TBPL2: variants seen among roughly 807,000 people sequenced by gnomAD.
The protein encoded by TBPL2 is TATA-box binding protein like 2.
Under a neutral mutation model 38.2 loss-of-function variants are expected in TBPL2, and 40 were observed. That is an observed-to-expected ratio of 1.05 (90% CI 0.81 to 1.36). The LOEUF (loss-of-function observed/expected upper bound fraction) is 1.36, where lower values mean the gene tolerates loss of function less well. TBPL2 is among the 40% of genes most tolerant of loss of function. The pLI, the probability that TBPL2 is intolerant of heterozygous loss-of-function variation, is 0.00. For missense variants in TBPL2, 461 were observed against 456.7 expected, an observed-to-expected ratio of 1.01 and a Z score of -0.09; for synonymous variants, 169 against 171.7, an observed-to-expected ratio of 0.98 and a Z score of 0.12.
intron 1 of TBPL2, among the ~76,000 whole-genome samples, chr14:55,437,658 G>T (rs1447621909): frequency 1.3e-5 from 2 of 152,186 alleles, no homozygotes; most frequent in African/African-American, 2.4e-5. Context: ...CTAAATTGTT[G>T]TATACTTTGA....
chr14:55,421,044 G>C (rs1356791299), intron 6 of TBPL2, among the ~76,000 whole-genome samples: 1 of 135,122 alleles, frequency 7.4e-6, no homozygotes. Context: ...CTGGGCAAAA[G>C]AGTGAGAATC....
chr14:55,440,264 A>G (rs1197648036), intron 1 of TBPL2, 132 bp downstream of exon 1: 4 of 1,152,650 alleles, frequency 3.5e-6, no homozygotes, highest in African/African-American at 1.6e-5. Context: ...CTAACCTTCA[A>G]CTTAATGACT....
chr14:55,435,859 T>C (rs1238536560), exon 3 of TBPL2: 1 of 1,567,230 alleles, frequency 6.4e-7, no homozygotes. Context: ...TTGGGTTATA[T>C]TCTGCATTTT....
chr14:55,429,033 GTGT>G, intron 4 of TBPL2, 59 bp from the exon 5 acceptor site: 2 of 1,579,114 alleles, frequency 1.3e-6, no homozygotes, highest in Non-Finnish European at 1.7e-6. Flanking sequence ...TCAACTACTG[GTGT>G]TGTATTGGAT....
intron 5 of TBPL2, among the ~76,000 whole-genome samples, chr14:55,427,315 CAA>C (rs1203285830): frequency 6.6e-6 from 1 of 151,782 alleles, no homozygotes; most frequent in Non-Finnish European, 1.5e-5. Context: ...AAAACATAAT[CAA>C]GAGAAAAATA....
chr14:55,414,616 A>G (rs374249733), intron 6 of TBPL2, among the ~76,000 whole-genome samples, 161 bp from the exon 7 acceptor site: 7 of 152,224 alleles, frequency 4.6e-5, no homozygotes, highest in African/African-American at 1.7e-4. Flanking sequence ...TTTGGCAACT[A>G]CAGCCATATT....
At chr14:55,425,222 C>A (rs1419350535) in intron 5 of TBPL2, among the ~76,000 whole-genome samples, 1 of 152,152 alleles carries the variant, frequency 6.6e-6, no homozygotes, top group Non-Finnish European at 1.5e-5. Flanking sequence ...TCTTCTGGAA[C>A]ATCACTCTGT....
chr14:55,420,514 A>C (rs1270007140), intron 6 of TBPL2, among the ~76,000 whole-genome samples: 8 of 152,218 alleles, frequency 5.3e-5, no homozygotes, highest in Admixed American at 5.2e-4. Context: ...CCAAGAGATG[A>C]TAATTATTTA....
chr14:55,423,198 T>A (rs77350057), intron 6 of TBPL2, among the ~76,000 whole-genome samples: 8,893 of 152,324 alleles, frequency 0.058, 337 homozygotes, highest in Non-Finnish European at 0.085. Flanking sequence ...AGTAGTGAGA[T>A]AATTTTTACA....
At chr14:55,419,419 CTGTT>C (rs1885711726) in intron 6 of TBPL2, among the ~76,000 whole-genome samples, 1 of 152,174 alleles carries the variant, frequency 6.6e-6, no homozygotes, top group Non-Finnish European at 1.5e-5. Flanking sequence ...GACATATTTG[CTGTT>C]TGTTATACCC....
chr14:55,439,198 C>G (rs987755134), intron 1 of TBPL2, among the ~76,000 whole-genome samples: 1 of 150,386 alleles, frequency 6.6e-6, no homozygotes, highest in Non-Finnish European at 1.5e-5. Context: ...CTCGGCCTCC[C>G]AAAGTGCTGG....
intron 6 of TBPL2, among the ~76,000 whole-genome samples, chr14:55,423,717 C>T (rs1384921752): frequency 2.0e-5 from 3 of 152,162 alleles, no homozygotes; most frequent in Admixed American, 6.6e-5. Flanking sequence ...ATGTAACATT[C>T]AGAGCTGCTT....
chr14:55,418,997 T>G (rs1046476376), intron 6 of TBPL2, among the ~76,000 whole-genome samples: 1 of 152,214 alleles, frequency 6.6e-6, no homozygotes, highest in Non-Finnish European at 1.5e-5. Flanking sequence ...AATGGCAGAT[T>G]ATGATTAAAA....
chr14:55,440,138 C>T lies in TBPL2; in HGVS notation c.150+258G>A, dbSNP rs887331639. Reference sequence around the variant, plus strand: ...TCAATCAATCAATCAAAAACCAGAACAACCTGGGAAGGGCCATGTAATCTG... The same window carrying T: ...TCAATCAATCAATCAAAAACCAGAATAACCTGGGAAGGGCCATGTAATCTG... On this transcript the variant is annotated intron_variant, in intron 1 of 6. Coordinates refer to ENST00000247219, the Ensembl canonical transcript of TBPL2. 1.3e-5 allele frequency among the ~76,000 whole-genome samples: 2 copies of T among 151,706 alleles called. 1 individual carries two copies. Among genetic ancestry groups the T allele is most frequent in the Admixed American group, 1.3e-4 (2 of 15,252 alleles).
intron 6 of TBPL2, among the ~76,000 whole-genome samples, chr14:55,422,109 G>A (rs1243723076): frequency 6.6e-6 from 1 of 152,124 alleles, no homozygotes; most frequent in Admixed American, 6.5e-5. Flanking sequence ...AGCAAAGGCA[G>A]AACCGAAGAA....
At chr14:55,431,934 C>A (rs1005976061) in intron 4 of TBPL2, among the ~76,000 whole-genome samples, 1 of 152,068 alleles carries the variant, frequency 6.6e-6, no homozygotes, top group East Asian at 1.9e-4. Flanking sequence ...CTAAGTGAAT[C>A]AAAATACCAG....
chr14:55,440,554 C>T (rs768887914), exon 1 of TBPL2: 25 of 1,583,446 alleles, frequency 1.6e-5, no homozygotes, highest in Non-Finnish European at 2.0e-5. Flanking sequence ...ATTTATGAGC[C>T]TGGGGGCAGC....
At chr14:55,438,521 T>A (rs1210147228) in intron 1 of TBPL2, among the ~76,000 whole-genome samples, 1 of 152,140 alleles carries the variant, frequency 6.6e-6, no homozygotes, top group Non-Finnish European at 1.5e-5. Flanking sequence ...TCCCGCAATT[T>A]ACGCTAAAGC....
rs200877895 is a variant in TBPL2 at position 55,414,500 on chromosome 14, C to A, written c.1052-45G>T. On this transcript the variant is annotated intron_variant, in intron 6 of 6. Transcript: ENST00000247219. ...TATATAATTTTTAATATAAAAATAC[C>A]AACATTTACTTAAACACTAAAATTT... 72 of 1,371,650 alleles carry A rather than the reference C, an allele frequency of 5.2e-5. No individual in the cohort carries two copies. In the East Asian group the frequency reaches 1.5e-3, roughly 28 times the overall value. The allele number at this position is 1,371,650 out of a possible 1,614,324, so 85.0% of individuals were successfully genotyped here. A position where few individuals can be genotyped will look rare whatever the true frequency, so the allele number is the denominator to read the frequency against.
Sources: gnomAD v4.1 joint callset for allele counts (sites outside exome capture counted in the v4.1 genomes callset) on GRCh38, gnomAD v4.1.1 for gene constraint, MANE v1.5 for transcripts, NCBI Gene and HGNC (gene_info 2026-07-23, HGNC 2026-07-21) for gene names.